CCDC169: variants seen among roughly 807,000 people sequenced by gnomAD.
CCDC169 encodes the protein coiled-coil domain containing 169.
CCDC169 carries 30 observed loss-of-function variants against 36.0 expected under a neutral mutation model. The ratio of observed to expected loss-of-function variants is 0.83; its 90% CI spans 0.62 to 1.13. CCDC169 has a LOEUF of 1.13. Ranked by LOEUF, CCDC169 falls within the 50% of genes most tolerant of loss-of-function variation. CCDC169 has a pLI of 0.00. For synonymous variants in CCDC169, 85 were observed against 81.5 expected (o/e 1.04, Z -0.23); for missense variants, 245 against 245.9 (o/e 1.00, Z 0.03).
intron 6 of CCDC169, among the ~76,000 whole-genome samples, chr13:36,252,779 A>C (rs1873331384): frequency 6.6e-6 from 1 of 152,224 alleles, no homozygotes; most frequent in African/African-American, 2.4e-5. Context: ...CCTGAGAGTC[A>C]TATATCCAAC....
intron 7 of CCDC169, among the ~76,000 whole-genome samples, chr13:36,237,525 G>T (rs1871240413): frequency 6.6e-6 from 1 of 152,252 alleles, no homozygotes; most frequent in East Asian, 1.9e-4. Flanking sequence ...GTGAAGAGGT[G>T]TAAACATGTA....
chr13:36,271,592 A>G lies in CCDC169; in HGVS notation c.315+11877T>C, dbSNP rs557308310. 1.9e-4 allele frequency among the ~76,000 whole-genome samples: 29 copies of G among 152,324 alleles called. 1 individual carries two copies. The South Asian group carries it at 6.0e-3, about 32-fold the overall frequency. The stretch of plus-strand genomic sequence containing the variant: ...CTACTCAGGCATTAAAAGGAATGAA[A>G]TAATGTCTTTTGCAGTAACTTGGAT... On this transcript the variant is annotated intron_variant, in intron 4 of 7. Transcript: ENST00000239859.
At chr13:36,284,041 T>C (rs954889571) in intron 2 of CCDC169, among the ~76,000 whole-genome samples, 1 of 152,064 alleles carries the variant, frequency 6.6e-6, no homozygotes, top group African/African-American at 2.4e-5. Flanking sequence ...GTTTCTTTCC[T>C]TGGAACTTGA....
chr13:36,241,052 T>C (rs1871762683), intron 7 of CCDC169, among the ~76,000 whole-genome samples: 1 of 152,118 alleles, frequency 6.6e-6, no homozygotes, highest in African/African-American at 2.4e-5. Flanking sequence ...TAAATCTACA[T>C]AGTCTATATA....
chr13:36,263,161 A>G (rs1874810094), intron 4 of CCDC169, among the ~76,000 whole-genome samples: 1 of 152,064 alleles, frequency 6.6e-6, no homozygotes, highest in Non-Finnish European at 1.5e-5. Context: ...TGAATTTACA[A>G]TCAAGTTCCC....
chr13:36,253,953 T>A, intron 5 of CCDC169, 92 bp downstream of exon 5: 1 of 817,042 alleles, frequency 1.2e-6, no homozygotes, highest in South Asian at 1.9e-5. Flanking sequence ...GTGTAGGAAA[T>A]AGTTTTGTGT....
chr13:36,268,648 CA>C (rs35807316), intron 4 of CCDC169, among the ~76,000 whole-genome samples: 1 of 151,740 alleles, frequency 6.6e-6, no homozygotes, highest in East Asian at 1.9e-4. Flanking sequence ...GAAATTCAAA[CA>C]AAAAAACCCC....
At chr13:36,281,289 G>GAA (rs35267999) in intron 4 of CCDC169, 3,085 of 406,928 alleles carry the variant, frequency 7.6e-3, no homozygotes, top group East Asian at 0.022. Context: ...AAAGAAAAGA[G>GAA]AAAAAAAAAA....
chr13:36,285,574 A>G (rs1288534257), intron 2 of CCDC169, among the ~76,000 whole-genome samples: 2 of 77,506 alleles, frequency 2.6e-5, no homozygotes, highest in Non-Finnish European at 6.5e-5. Flanking sequence ...TTTTCTCAAA[A>G]AAATAAAATA....
At chr13:36,240,106 T>C (rs1871600684) in intron 7 of CCDC169, among the ~76,000 whole-genome samples, 1 of 152,100 alleles carries the variant, frequency 6.6e-6, no homozygotes, top group Admixed American at 6.6e-5. Flanking sequence ...CTTTGGAATG[T>C]ATCTCTCTTG....
intron 1 of CCDC169, 37 bp downstream of exon 1, chr13:36,297,600 T>A (rs1594103697): frequency 6.5e-7 from 1 of 1,541,552 alleles, no homozygotes; most frequent in East Asian, 2.4e-5. Context: ...TCGGGGGGTG[T>A]GGACGGGACC....
At chr13:36,257,872 C>T (rs1874115799) in intron 4 of CCDC169, among the ~76,000 whole-genome samples, 1 of 151,810 alleles carries the variant, frequency 6.6e-6, no homozygotes, top group Non-Finnish European at 1.5e-5. Context: ...GGACATGTCA[C>T]TTCCCCTCTT....
downstream of CCDC169, among the ~76,000 whole-genome samples, chr13:36,228,241 G>A (rs1168018693): frequency 6.6e-6 from 1 of 152,150 alleles, no homozygotes; most frequent in African/African-American, 2.4e-5. Context: ...GGAACTGACA[G>A]TTTTCCAAAG....
At chr13:36,262,110 C>T (rs1566074959) in intron 4 of CCDC169, among the ~76,000 whole-genome samples, 2 of 152,264 alleles carry the variant, frequency 1.3e-5, no homozygotes, top group African/African-American at 2.4e-5. Flanking sequence ...CCCAGAAATG[C>T]TTGGCCCCAC....
At chr13:36,239,248 GAA>G (rs56690598) in intron 7 of CCDC169, among the ~76,000 whole-genome samples, 2,962 of 147,382 alleles carry the variant, frequency 0.02, 91 homozygotes, top group African/African-American at 0.067. Context: ...TTAAAAAAAA[GAA>G]AAAAAAAAAA....
intron 7 of CCDC169, among the ~76,000 whole-genome samples, chr13:36,247,458 C>G (rs1015385328): frequency 7.2e-5 from 11 of 152,122 alleles, no homozygotes; most frequent in African/African-American, 1.4e-4. Context: ...ATTCTAGATG[C>G]CACTAAGAAC....
chr13:36,234,592 A>G (rs1019102514), intron 7 of CCDC169, among the ~76,000 whole-genome samples: 2 of 152,104 alleles, frequency 1.3e-5, no homozygotes, highest in Admixed American at 6.5e-5. Flanking sequence ...GAAGCAACTC[A>G]CTCTGTAAAA....
At chr13:36,249,349 A>G (rs1872867246) in intron 6 of CCDC169, among the ~76,000 whole-genome samples, 1 of 152,180 alleles carries the variant, frequency 6.6e-6, no homozygotes, top group Admixed American at 6.5e-5. Context: ...AGGAAAAACT[A>G]CTATCATAGA....
At chr13:36,236,473 C>T (rs1482116048) in intron 7 of CCDC169, among the ~76,000 whole-genome samples, 2 of 151,878 alleles carry the variant, frequency 1.3e-5, no homozygotes, top group Non-Finnish European at 2.9e-5. Context: ...TGGACGCCTA[C>T]CTCACATCAT....
Sources: allele counts gnomAD v4.1 joint callset (sites outside exome capture counted in the v4.1 genomes callset), GRCh38; gene constraint gnomAD v4.1.1; transcripts MANE v1.5; gene names NCBI Gene and HGNC (gene_info 2026-07-23, HGNC 2026-07-21).